The following RGPD4 variants were observed in gnomAD, a reference collection of about 807,000 sequenced individuals.
The protein encoded by RGPD4 is RANBP2 like and GRIP domain containing 4.
In RGPD4, 84 loss-of-function variants were observed where a neutral mutation model predicts 141.1. The ratio of observed to expected loss-of-function variants is 0.60; its 90% CI spans 0.50 to 0.71. The LOEUF is 0.71. Among genes scored for constraint, RGPD4 ranks in the 30% least tolerant of loss-of-function variants. The pLI is 0.00. For synonymous variants in RGPD4, 298 were observed against 566.8 expected, an observed-to-expected ratio of 0.53 and a Z score of 6.74; for missense variants, 918 against 1,622.4, an observed-to-expected ratio of 0.57 and a Z score of 7.46.
chr2:107,840,268 C>G (rs1681752611), intron 4 of RGPD4, among the ~76,000 whole-genome samples: 1 of 151,186 alleles, frequency 6.6e-6, no homozygotes, highest in Admixed American at 6.6e-5. Context: ...TTGGTGATTT[C>G]AAAATGTTAT....
chr2:107,829,749 A>G (rs1426226112), intron 1 of RGPD4, among the ~76,000 whole-genome samples: 1 of 151,602 alleles, frequency 6.6e-6, no homozygotes, highest in African/African-American at 2.4e-5. Flanking sequence ...CTTGTTCCCG[A>G]CGCTTGTTCC....
At chr2:107,830,202 A>T (rs1573458758) in intron 1 of RGPD4, among the ~76,000 whole-genome samples, 1 of 151,944 alleles carries the variant, frequency 6.6e-6, no homozygotes, top group African/African-American at 2.4e-5. Flanking sequence ...TAAAGTTCTT[A>T]CAAATCGTTA....
intron 6 of RGPD4, among the ~76,000 whole-genome samples, chr2:107,844,383 CCT>C (rs1681842136): frequency 6.6e-6 from 1 of 152,076 alleles, no homozygotes; most frequent in African/African-American, 2.4e-5. Flanking sequence ...ATGCAGCATG[CCT>C]CTGTTTATGT....
At chr2:107,852,047 C>T (rs1445280057) in intron 7 of RGPD4, among the ~76,000 whole-genome samples, 1 of 150,396 alleles carries the variant, frequency 6.6e-6, no homozygotes, top group East Asian at 2.0e-4. Context: ...TTGAGACCAT[C>T]CTGACCAACA....
In RGPD4 at chr2:107,850,434, C is replaced by T. The variant is rs1253560989; in HGVS notation, c.978+1898C>T. Among the ~76,000 whole-genome samples the T allele has an allele frequency of 1.8e-4, 2 of 10,992 alleles. 1 individual carries two copies. Among genetic ancestry groups the T allele is most frequent in the African/African-American group, 2.4e-3 (2 of 820 alleles). The allele number at this position is 10,992 out of a possible 152,430, so 7.2% of individuals were successfully genotyped here. A position where few individuals can be genotyped will look rare whatever the true frequency, so the allele number is the denominator to read the frequency against. On this transcript the variant is annotated intron_variant, in intron 7 of 22. Coordinates refer to ENST00000408999, the MANE Select transcript of RGPD4 (RefSeq NM_182588.3). ...CCTCTCGAAGTGCTGGGATTACAGG[C>T]ATGAGCCATTGAGCCCGGCCTGTAA...
intron 17 of RGPD4, among the ~76,000 whole-genome samples, chr2:107,865,596 G>A (rs1270428365): frequency 1.3e-5 from 2 of 152,080 alleles, no homozygotes; most frequent in Non-Finnish European, 2.9e-5. Flanking sequence ...GTAGGCAAGT[G>A]TAGAATGGAA....
In RGPD4 at chr2:107,871,293, A is replaced by G; in HGVS notation, c.3289A>G (p.Arg1097Gly). The change falls in exon 20 of 23, where the codon AGA becomes GGA. Residue 1097 changes from arginine to glycine, a missense_variant. By Grantham distance (125) the Arg-to-Gly change is moderately radical. Transcript: ENST00000408999. ...CAAAAACGAGGTCAATGGCAAACCA[A>G]GAATGCTGATGCGAAGAGAACAAGT... ...ILKNEVNGKPRMLMRREQVLK... is the reference protein window; with the variant it reads ...ILKNEVNGKPGMLMRREQVLK... The G allele has an allele frequency of 2.5e-6, 4 of 1,607,076 alleles. No individual in the cohort carries two copies. The highest frequency in any genetic ancestry group is 3.4e-6 in the Non-Finnish European group (4 of 1,179,294).
At position 107,890,812 on chromosome 2, in the gene RGPD4, T is replaced by A; in HGVS notation, c.*81T>A. ...GATAGGTTGATGGAAGGAATATTTTTATTAACCAAATAAAATCTATTTACA... is the reference window on the plus strand; with the variant it reads ...GATAGGTTGATGGAAGGAATATTTTAATTAACCAAATAAAATCTATTTACA... On this transcript the variant is annotated 3_prime_UTR_variant, in exon 23 of 23. Coordinates refer to ENST00000408999, the MANE Select transcript of RGPD4 (RefSeq NM_182588.3). 1 of 1,575,398 alleles carries A rather than the reference T, an allele frequency of 6.3e-7. No individual in the cohort carries two copies. Among genetic ancestry groups the A allele is most frequent in the Non-Finnish European group, 8.6e-7 (1 of 1,159,148 alleles).
chr2:107,890,548 CAAA>C (rs1210623696), intron 22 of RGPD4, among the ~76,000 whole-genome samples, 170 bp from the exon 23 acceptor site: 10 of 16,286 alleles, frequency 6.1e-4, no homozygotes, highest in South Asian at 5.6e-3. Context: ...GACCCTGTCT[CAAA>C]AAAAAAAAAA....
Position 107,872,241 on chromosome 2 carries a change from C to A in RGPD4, c.4237C>A (p.Pro1413Thr), listed in dbSNP as rs1310967341. The A allele has an allele frequency of 6.2e-7, 1 of 1,611,330 alleles. No homozygotes were observed. The highest frequency in any genetic ancestry group is 2.2e-5 in the East Asian group (1 of 44,876). Residue 1413 changes from proline (P) to threonine (T), a missense_variant, in exon 20 of 23, where the codon CCA (proline) becomes ACA (threonine). Transcript: ENST00000408999. ...ACTTTGTGCCAATCACACAATAACT[C>A]CAGACATGAGTTTGCAAAATATGAA... is the stretch of plus-strand genomic sequence containing the variant. ...LKLCANHTIT[P>T]DMSLQNMKGT...
rs3868856 is a variant in RGPD4, at chr2:107,870,810, G to T, written c.2806G>T (p.Glu936Ter). The change falls in exon 20 of 23, where the codon GAA (glutamate) becomes TAA (stop). Residue 936 changes from glutamate to a stop codon, truncating the protein, a stop_gained. Coordinates refer to ENST00000408999, the MANE Select transcript of RGPD4 (RefSeq NM_182588.3). LOFTEE classifies it high-confidence loss of function. ...GISEPGNQEK[E>*]SEKPLENDTG... The stretch of plus-strand genomic sequence containing the variant: ...TTCGGAACCAGGAAATCAAGAAAAG[G>T]AAAGTGAAAAGCCTCTTGAAAATGA... 2.5e-6 allele frequency: 4 copies of T among 1,599,128 alleles called. No homozygotes were observed. The South Asian group carries it at 3.3e-5, about 13-fold the overall frequency.
intron 22 of RGPD4, among the ~76,000 whole-genome samples, 187 bp from the exon 23 acceptor site, chr2:107,890,534 G>A (rs1456704024): frequency 3.5e-5 from 3 of 86,446 alleles, no homozygotes; most frequent in Non-Finnish European, 5.9e-5. Context: ...GGGTGACAGA[G>A]CAAGACCCTG....
intron 1 of RGPD4, among the ~76,000 whole-genome samples, chr2:107,833,936 C>T (rs140694698): frequency 0.043 from 6,475 of 151,616 alleles, 490 homozygotes; most frequent in African/African-American, 0.15. Context: ...GTACCCGGGA[C>T]GCAGAGGTTG....
At chr2:107,829,590 CG>C (rs1190993431) in intron 1 of RGPD4, among the ~76,000 whole-genome samples, 6 of 149,808 alleles carry the variant, frequency 4.0e-5, no homozygotes, top group Non-Finnish European at 8.8e-5. Flanking sequence ...TGGCTCCCGA[CG>C]GGCGCTGCTC....
chr2:107,829,718 G>C (rs975458000), intron 1 of RGPD4, among the ~76,000 whole-genome samples: 5 of 152,108 alleles, frequency 3.3e-5, no homozygotes, highest in South Asian at 2.1e-4. Flanking sequence ...CTTTGGCGCC[G>C]GCGCTTCCTC....
chr2:107,881,815 TTA>T (rs1239238842), intron 21 of RGPD4, among the ~76,000 whole-genome samples: 1 of 151,654 alleles, frequency 6.6e-6, no homozygotes, highest in African/African-American at 2.4e-5. Context: ...ATTACCTTTT[TTA>T]TATCATTCTT....
At chr2:107,832,913 T>C (rs1681543090) in intron 1 of RGPD4, among the ~76,000 whole-genome samples, 1 of 150,848 alleles carries the variant, frequency 6.6e-6, no homozygotes, top group Admixed American at 6.6e-5. Flanking sequence ...GACCATTTCT[T>C]ACCCTTTTTT....
At chr2:107,827,115 T>A in intron 1 of RGPD4, 30 bp downstream of exon 1, 1 of 1,568,626 alleles carries the variant, frequency 6.4e-7, no homozygotes, top group Non-Finnish European at 8.6e-7. Flanking sequence ...ACCGACGGCC[T>A]CGACCTGGCC....
At position 107,828,835 on chromosome 2, in the gene RGPD4, G is replaced by T. The variant is rs1415792394; in HGVS notation, c.72+1750G>T. ...GGCGGCGGCCTCGACCCGGCCCGGC[G>T]GCGGCCTCGATGGCTCAGGCGTCAT... On this transcript the variant is annotated intron_variant, in intron 1 of 22. Coordinates refer to ENST00000408999, the MANE Select transcript of RGPD4 (RefSeq NM_182588.3). Among the ~76,000 whole-genome samples, 46 of 14,056 alleles carry T rather than the reference G, an allele frequency of 3.3e-3. 3 individuals carry two copies. Among genetic ancestry groups the T allele is most frequent in the Non-Finnish European group, 5.4e-3 (35 of 6,462 alleles). 9.2% of individuals were successfully genotyped at this position (14,056 alleles called of 152,430 possible).
Sources: gnomAD v4.1 joint callset for allele counts (sites outside exome capture counted in the v4.1 genomes callset) on GRCh38, gnomAD v4.1.1 for gene constraint, MANE v1.5 for transcripts, NCBI Gene and HGNC (gene_info 2026-07-23, HGNC 2026-07-21) for gene names.